MACROD2: variants seen among roughly 807,000 people sequenced by gnomAD.
The protein encoded by MACROD2 is ADP-ribose glycohydrolase MACROD2.
A neutral mutation model predicts 70.4 loss-of-function variants in MACROD2; 36 were observed. The observed-to-expected ratio is 0.51, with a 90% CI of 0.39 to 0.68. The LOEUF (loss-of-function observed/expected upper bound fraction) is 0.68. Among genes scored for constraint, MACROD2 ranks in the 30% least tolerant of loss-of-function variants. The pLI is 0.00. For synonymous variants in MACROD2, 172 were observed against 178.8 expected (o/e 0.96, Z 0.30); for missense variants, 496 against 538.4 (o/e 0.92, Z 0.78).
At chr20:15,275,893 A>G (rs1326784368) in intron 6 of MACROD2, among the ~76,000 whole-genome samples, 1 of 152,142 alleles carries the variant, frequency 6.6e-6, no homozygotes, top group Non-Finnish European at 1.5e-5. Flanking sequence ...ACTGAAGGAA[A>G]CAGAACCCGA....
intron 3 of MACROD2, among the ~76,000 whole-genome samples, chr20:14,285,797 C>T (rs942488430): frequency 1.3e-5 from 2 of 152,030 alleles, no homozygotes; most frequent in African/African-American, 2.4e-5. Context: ...TATATTTTCT[C>T]ATTCAGTCCC....
intron 2 of MACROD2, 56 bp from the exon 3 acceptor site, chr20:14,085,565 C>G: frequency 2.9e-6 from 3 of 1,045,064 alleles, no homozygotes; most frequent in Non-Finnish European, 4.0e-6. Context: ...AAAAAATTAT[C>G]TCGATTAAGT....
intron 3 of MACROD2, among the ~76,000 whole-genome samples, chr20:14,405,179 T>C (rs1480412220): frequency 6.6e-6 from 1 of 152,162 alleles, no homozygotes; most frequent in Non-Finnish European, 1.5e-5. Context: ...ATTTATGTAC[T>C]AAGCTAAAAA....
At chr20:15,449,835 A>G (rs1028164700) in intron 7 of MACROD2, among the ~76,000 whole-genome samples, 9 of 152,116 alleles carry the variant, frequency 5.9e-5, no homozygotes, top group African/African-American at 2.2e-4. Context: ...TCTACTAAAA[A>G]TACAAAAATT....
At chr20:14,163,985 T>C (rs2148719455) in intron 3 of MACROD2, among the ~76,000 whole-genome samples, 1 of 152,214 alleles carries the variant, frequency 6.6e-6, no homozygotes, top group Middle Eastern at 3.4e-3. Context: ...AATTACTACA[T>C]TCTTTTGGAG....
intron 5 of MACROD2, among the ~76,000 whole-genome samples, chr20:15,110,429 C>T (rs2123218984): frequency 6.6e-6 from 1 of 152,162 alleles, no homozygotes; most frequent in East Asian, 1.9e-4. Flanking sequence ...AATTCTAATA[C>T]TAGAGGCAAT....
chr20:14,694,243 A>G (rs2071095714), intron 5 of MACROD2, among the ~76,000 whole-genome samples: 1 of 152,198 alleles, frequency 6.6e-6, no homozygotes, highest in South Asian at 2.1e-4. Flanking sequence ...ACTTTAGTCT[A>G]ATTTTTGGAG....
intron 8 of MACROD2, among the ~76,000 whole-genome samples, chr20:15,513,007 T>A (rs2047519664): frequency 6.6e-6 from 1 of 152,194 alleles, no homozygotes; most frequent in African/African-American, 2.4e-5. Flanking sequence ...GGTTTTCCCT[T>A]GGGTTCAGTG....
intron 10 of MACROD2, among the ~76,000 whole-genome samples, chr20:15,899,026 G>GTA (rs533041188): frequency 3.4e-4 from 52 of 151,584 alleles, no homozygotes; most frequent in African/African-American, 1.3e-3. Context: ...TTGTATGTAT[G>GTA]TATATATATG....
At chr20:15,840,172 C>G (rs1304812472) in intron 8 of MACROD2, among the ~76,000 whole-genome samples, 1 of 152,172 alleles carries the variant, frequency 6.6e-6, no homozygotes, top group Non-Finnish European at 1.5e-5. Context: ...CAAGCCACCA[C>G]AGAATGTCTG....
intron 6 of MACROD2, among the ~76,000 whole-genome samples, chr20:15,350,586 C>G (rs2078217219): frequency 6.6e-6 from 1 of 152,144 alleles, no homozygotes; most frequent in South Asian, 2.1e-4. Flanking sequence ...AGGATTTGAG[C>G]ATTATGCAGA....
chr20:16,030,735 A>G (rs1035096333), intron 15 of MACROD2, among the ~76,000 whole-genome samples: 5 of 152,214 alleles, frequency 3.3e-5, no homozygotes, highest in African/African-American at 1.2e-4. Context: ...ACTGACAAAG[A>G]AAAAAGGTTG....
At chr20:14,854,576 G>A (rs540247440) in intron 5 of MACROD2, among the ~76,000 whole-genome samples, 1 of 152,032 alleles carries the variant, frequency 6.6e-6, no homozygotes, top group Non-Finnish European at 1.5e-5. Flanking sequence ...AAATAAAATA[G>A]ATTATATTTT....
intron 8 of MACROD2, among the ~76,000 whole-genome samples, chr20:15,730,558 T>A (rs2050931867): frequency 2.0e-5 from 3 of 152,176 alleles, no homozygotes; most frequent in Admixed American, 2.0e-4. Flanking sequence ...AGGTCCACTG[T>A]TAGCCTGATG....
intron 7 of MACROD2, among the ~76,000 whole-genome samples, chr20:15,475,130 C>T (rs2047005953): frequency 6.6e-6 from 1 of 152,002 alleles, no homozygotes; most frequent in Admixed American, 6.5e-5. Context: ...AATCTAGGGC[C>T]TATTTTAAAT....
intron 5 of MACROD2, among the ~76,000 whole-genome samples, chr20:15,134,871 A>T (rs2123287169): frequency 6.6e-6 from 1 of 152,270 alleles, no homozygotes; most frequent in East Asian, 1.9e-4. Context: ...ATAAAAAATG[A>T]TAAAGGGGAT....
intron 2 of MACROD2, among the ~76,000 whole-genome samples, chr20:14,044,527 G>C (rs1219414578): frequency 1.3e-5 from 2 of 152,068 alleles, no homozygotes; most frequent in East Asian, 3.9e-4. Context: ...TGATTGGTGT[G>C]TTTTACAGAG....
intron 5 of MACROD2, among the ~76,000 whole-genome samples, chr20:14,759,261 G>A (rs1235101107): frequency 1.3e-5 from 2 of 152,012 alleles, no homozygotes; most frequent in Non-Finnish European, 2.9e-5. Context: ...CCTTATATTT[G>A]AGTTAATTTT....
chr20:15,760,623 G>A (rs927274291), intron 8 of MACROD2, among the ~76,000 whole-genome samples: 2 of 152,154 alleles, frequency 1.3e-5, no homozygotes, highest in African/African-American at 2.4e-5. Context: ...AGAGAGGGCA[G>A]GAGGACTCCC....
Sources: gnomAD v4.1 joint callset for allele counts (sites outside exome capture counted in the v4.1 genomes callset) on GRCh38, gnomAD v4.1.1 for gene constraint, MANE v1.5 for transcripts, NCBI Gene and HGNC (gene_info 2026-07-23, HGNC 2026-07-21) for gene names.